The following PRUNE2 variants were observed in gnomAD, a reference collection of about 807,000 sequenced individuals.
PRUNE2 encodes prune homolog 2 with BCH domain, also known as protein prune homolog 2.
A neutral mutation model predicts 252.0 loss-of-function variants in PRUNE2; 164 were observed. The ratio of observed to expected loss-of-function variants is 0.65; its 90% CI spans 0.57 to 0.74. The LOEUF is 0.74. PRUNE2 is among the 30% of genes least tolerant of loss of function. PRUNE2 has a pLI of 0.00. For missense variants in PRUNE2, 3,495 were observed against 3,711.0 expected (o/e 0.94, Z 1.51); for synonymous variants, 1,292 against 1,350.2 (o/e 0.96, Z 0.94).
chr9:76,898,401 T>C (rs976970476), intron 1 of PRUNE2, among the ~76,000 whole-genome samples: 17 of 152,334 alleles, frequency 1.1e-4, no homozygotes, highest in Non-Finnish European at 2.5e-4. Flanking sequence ...ATCTTTGGAC[T>C]GTGTTGATGT....
intron 9 of PRUNE2, among the ~76,000 whole-genome samples, chr9:76,668,228 AG>A (rs2040579994): frequency 1.3e-5 from 2 of 152,220 alleles, no homozygotes; most frequent in Non-Finnish European, 2.9e-5. Flanking sequence ...ATATGTAAAA[AG>A]ATGTTTACTG....
At chr9:76,818,144 T>TC (rs1374017972) in intron 6 of PRUNE2, among the ~76,000 whole-genome samples, 6 of 151,964 alleles carry the variant, frequency 3.9e-5, no homozygotes, top group Non-Finnish European at 8.8e-5. Flanking sequence ...TAACATATGC[T>TC]CCCCCAAGAA....
At chr9:76,846,384 C>T (rs2059670218) in intron 4 of PRUNE2, 131 bp downstream of exon 4, 1 of 671,560 alleles carries the variant, frequency 1.5e-6, no homozygotes, top group Non-Finnish European at 2.4e-6. Flanking sequence ...CTCCCTGCCT[C>T]TCTGATGAAG....
intron 1 of PRUNE2, among the ~76,000 whole-genome samples, chr9:76,857,614 C>A (rs1398116999): frequency 6.6e-6 from 1 of 152,142 alleles, no homozygotes; most frequent in Non-Finnish European, 1.5e-5. Flanking sequence ...CAAACTCCTG[C>A]CTGCTTGGAG....
chr9:76,824,779 C>T (rs1564380831), intron 5 of PRUNE2, among the ~76,000 whole-genome samples: 1 of 152,300 alleles, frequency 6.6e-6, no homozygotes, highest in African/African-American at 2.4e-5. Flanking sequence ...ACTTACAATG[C>T]TCTGTCAATC....
At chr9:76,759,461 G>A (rs1353811607) in intron 6 of PRUNE2, 1 of 152,462 alleles carries the variant, frequency 6.6e-6, no homozygotes, top group Non-Finnish European at 1.5e-5. Flanking sequence ...ATGAGCAGAT[G>A]AGCAGAAGAG....
At chr9:76,653,111 C>T (rs1165404089) in intron 10 of PRUNE2, among the ~76,000 whole-genome samples, 1 of 152,078 alleles carries the variant, frequency 6.6e-6, no homozygotes, top group Non-Finnish European at 1.5e-5. Flanking sequence ...CAGCCTTGGC[C>T]ATGTAGAAAC....
At chr9:76,619,199 G>A in intron 18 of PRUNE2, 141 bp downstream of exon 18, 1 of 593,246 alleles carries the variant, frequency 1.7e-6, no homozygotes, top group South Asian at 2.2e-5. Flanking sequence ...TATAGCTTCA[G>A]GTTTCTAATT....
In PRUNE2 at chr9:76,709,407, T is replaced by G. The variant is rs750178624; in HGVS notation, c.2867A>C (p.Glu956Ala). ...ATCTAAGGGGGAAGGCACCGAATCT[T>G]CTCCTAGGTTGGATGCACTGTAATC... ...CSDYSASNLG[E>A]DSVPSPLDTN... The change falls in exon 8 of 19, where the codon GAA becomes GCA. Residue 956 changes from glutamate to alanine, a missense_variant. Glu to Ala is a moderately radical substitution (Grantham distance 107). Transcript: ENST00000376718. 6.2e-7 allele frequency: 1 copy of G among 1,614,004 alleles called. No individual in the cohort carries two copies. The highest frequency in any genetic ancestry group is 2.2e-5 in the East Asian group (1 of 44,884).
chr9:76,902,056 G>C (rs2063210541), intron 1 of PRUNE2, among the ~76,000 whole-genome samples: 1 of 152,164 alleles, frequency 6.6e-6, no homozygotes, highest in Non-Finnish European at 1.5e-5. Context: ...TGGGCAGTGA[G>C]GGAGGCTCAG....
At chr9:76,737,958 T>C (rs2049225283) in intron 6 of PRUNE2, 1 of 152,248 alleles carries the variant, frequency 6.6e-6, no homozygotes, top group Non-Finnish European at 1.5e-5. Context: ...GATTAAAACA[T>C]ACAGAGCCTA....
intron 1 of PRUNE2, among the ~76,000 whole-genome samples, chr9:76,894,337 AG>A (rs2062679133): frequency 6.6e-6 from 1 of 152,190 alleles, no homozygotes; most frequent in African/African-American, 2.4e-5. Flanking sequence ...CAGCTTGCTA[AG>A]GGCCAAGGGA....
intron 6 of PRUNE2, among the ~76,000 whole-genome samples, chr9:76,808,172 ACT>A (rs33955692): frequency 0.68 from 103,741 of 151,810 alleles, 35,597 homozygotes; most frequent in African/African-American, 0.75. Flanking sequence ...AGTAAGCGAA[ACT>A]CTGTGTCAAA....
intron 6 of PRUNE2, among the ~76,000 whole-genome samples, chr9:76,754,515 C>T (rs966428020): frequency 9.9e-5 from 15 of 152,206 alleles, no homozygotes; most frequent in African/African-American, 3.4e-4. Context: ...TACCTTAATT[C>T]AACTCCTTGC....
chr9:76,845,226 T>C (rs1414031441), intron 4 of PRUNE2, among the ~76,000 whole-genome samples: 1 of 152,238 alleles, frequency 6.6e-6, no homozygotes, highest in Non-Finnish European at 1.5e-5. Flanking sequence ...TTACTATTTG[T>C]AGAAAATTAT....
chr9:76,775,140 CG>C (rs1195879774), intron 6 of PRUNE2, among the ~76,000 whole-genome samples: 2 of 152,016 alleles, frequency 1.3e-5, no homozygotes, highest in East Asian at 1.9e-4. Context: ...TTTATTTGGT[CG>C]GGGGGAAAGA....
At chr9:76,888,594 CTAT>C (rs10655603) in intron 1 of PRUNE2, among the ~76,000 whole-genome samples, 9 of 147,156 alleles carry the variant, frequency 6.1e-5, no homozygotes, top group Middle Eastern at 3.6e-3. Context: ...ATAATAATAA[CTAT>C]TATTATTATT....
Position 76,821,396 on chromosome 9 carries a change from T to C in PRUNE2, c.756+2236A>G, listed in dbSNP as rs570057812. Among the ~76,000 whole-genome samples the C allele has an allele frequency of 6.6e-4, 100 of 152,328 alleles. No individual in the cohort carries two copies. In the South Asian group the frequency reaches 0.013, roughly 20 times the overall value. ...AGGAATGCTGAAATATAATCAAATA[T>C]GAGTAGGGATTGGGAAAATACCACT... On this transcript the variant is annotated intron_variant, in intron 6 of 18. Transcript: ENST00000376718.
At chr9:76,901,248 C>T (rs531029297) in intron 1 of PRUNE2, among the ~76,000 whole-genome samples, 1 of 152,272 alleles carries the variant, frequency 6.6e-6, no homozygotes, top group African/African-American at 2.4e-5. Flanking sequence ...AGGGTTCATT[C>T]CTCATCAGCC....
Sources: gnomAD v4.1 joint callset for allele counts (sites outside exome capture counted in the v4.1 genomes callset) on GRCh38, gnomAD v4.1.1 for gene constraint, MANE v1.5 for transcripts, NCBI Gene and HGNC (gene_info 2026-07-23, HGNC 2026-07-21) for gene names.